The following CELA2A variants were observed in gnomAD, a reference collection of about 807,000 sequenced individuals.
The protein encoded by CELA2A is chymotrypsin-like elastase family member 2A.
A neutral mutation model predicts 35.3 loss-of-function variants in CELA2A; 31 were observed. The ratio of observed to expected loss-of-function variants is 0.88; its 90% CI spans 0.66 to 1.19. The LOEUF is 1.19. CELA2A is among the 50% of genes most tolerant of loss of function. The probability of loss-of-function intolerance (pLI) is 0.00; values close to 1 mark genes in which losing one functional copy is unlikely to be tolerated. For synonymous variants in CELA2A, 150 were observed against 149.8 expected (o/e 1.00, Z -0.01); for missense variants, 330 against 352.9 (o/e 0.94, Z 0.52).
At chr1:15,457,609 C>T (rs1241729707) in intron 2 of CELA2A, 1 of 129,672 alleles carries the variant, frequency 7.7e-6, no homozygotes, top group South Asian at 2.4e-4. Context: ...GACTCTGTCT[C>T]AAAAAAAAAA....
intron 7 of CELA2A, among the ~76,000 whole-genome samples, 172 bp downstream of exon 7, chr1:15,467,710 C>A (rs1466601295): frequency 1.3e-5 from 2 of 152,122 alleles, no homozygotes; most frequent in South Asian, 4.1e-4. Flanking sequence ...ATGGGTCCCC[C>A]AAATTTCTGT....
intron 5 of CELA2A, among the ~76,000 whole-genome samples, chr1:15,464,523 A>T (rs1264750214): frequency 6.6e-6 from 1 of 152,196 alleles, no homozygotes; most frequent in East Asian, 1.9e-4. Context: ...TGTTAATCAC[A>T]TTATGACATT....
At chr1:15,466,434 C>T (rs1386556179) in intron 6 of CELA2A, among the ~76,000 whole-genome samples, 12 of 151,894 alleles carry the variant, frequency 7.9e-5, no homozygotes, top group East Asian at 5.8e-4. Flanking sequence ...TGGTGGCAGG[C>T]GCCTGTACTC....
intron 3 of CELA2A, chr1:15,461,954 G>A (rs549387423): frequency 6.6e-6 from 4 of 606,002 alleles, no homozygotes; most frequent in Non-Finnish European, 1.2e-5. Context: ...CTGGAATTGG[G>A]TTCCCTTGAA....
At chr1:15,457,834 A>G (rs1431529172) in intron 2 of CELA2A, among the ~76,000 whole-genome samples, 3 of 152,188 alleles carry the variant, frequency 2.0e-5, no homozygotes, top group Non-Finnish European at 4.4e-5. Context: ...TAAGGAACCA[A>G]TCAGTGCTAT....
intron 7 of CELA2A, among the ~76,000 whole-genome samples, chr1:15,471,284 C>A (rs566428600): frequency 6.6e-6 from 1 of 152,146 alleles, no homozygotes; most frequent in Non-Finnish European, 1.5e-5. Context: ...CGGTGGCTCA[C>A]GCCTGTAATC....
At chr1:15,463,079 G>A in intron 4 of CELA2A, 3 of 787,886 alleles carry the variant, frequency 3.8e-6, no homozygotes, top group Non-Finnish European at 5.9e-6. Flanking sequence ...AGCGACCTGG[G>A]TTTGCTGCCA....
chr1:15,465,931 C>G (rs2901964), intron 5 of CELA2A, 68 bp from the exon 6 acceptor site: 339,286 of 1,569,754 alleles, frequency 0.22, 45,287 homozygotes, highest in African/African-American at 0.65. Flanking sequence ...AAACCTAAGA[C>G]GGGTCCATCA....
intron 7 of CELA2A, among the ~76,000 whole-genome samples, chr1:15,468,126 A>T (rs1266218199): frequency 1.3e-5 from 2 of 150,342 alleles, no homozygotes; most frequent in Non-Finnish European, 3.0e-5. Context: ...AGTGAGTGCC[A>T]TAGAAATGGT....
At chr1:15,469,487 C>T (rs1235281937) in intron 7 of CELA2A, among the ~76,000 whole-genome samples, 2 of 152,116 alleles carry the variant, frequency 1.3e-5, no homozygotes, top group Admixed American at 1.3e-4. Context: ...CTTATAAAAC[C>T]AAATATGAAA....
intron 7 of CELA2A, 37 bp from the exon 8 acceptor site, chr1:15,471,953 T>G (rs1310229652): frequency 6.2e-7 from 1 of 1,613,996 alleles, no homozygotes; most frequent in East Asian, 2.2e-5. Context: ...AGCTCTGCGG[T>G]TAGGTGAACC....
intron 7 of CELA2A, 42 bp downstream of exon 7, chr1:15,467,580 C>T (rs2103305506): frequency 1.2e-6 from 2 of 1,601,906 alleles, no homozygotes; most frequent in Non-Finnish European, 1.7e-6. Flanking sequence ...CACTACCCTG[C>T]TCACCTGGCC....
Position 15,462,764 on chromosome 1 carries a change from C to A in CELA2A, c.259C>A (p.Arg87=). ...SSRTYRVGLG[R]HNLYVAESGS... is the part of the protein sequence containing the mutation. The stretch of plus-strand genomic sequence containing the variant: ...CAGGACCTACCGCGTGGGGCTGGGC[C>A]GGCACAACCTCTACGTTGCGGAGTC... The change falls in exon 4 of 8, where the codon CGG becomes AGG. Residue 87 remains arginine, a synonymous_variant. Transcript: ENST00000359621. 1.2e-6 allele frequency: 2 copies of A among 1,614,070 alleles called. No individual in the cohort carries two copies. Among genetic ancestry groups the A allele is most frequent in the Non-Finnish European group, 1.7e-6 (2 of 1,180,000 alleles).
chr1:15,469,999 A>G lies in CELA2A; in HGVS notation c.793-1991A>G, dbSNP rs534847524. Reference sequence around the variant, plus strand: ...CAGCCACAGACACAAGCACAACAGAACAGGCCAGATCCCGAAGCATGGCCA... The same window carrying G: ...CAGCCACAGACACAAGCACAACAGAGCAGGCCAGATCCCGAAGCATGGCCA... On this transcript the variant is annotated intron_variant, in intron 7 of 7. Coordinates refer to ENST00000359621, the MANE Select transcript of CELA2A (RefSeq NM_033440.3). Among the ~76,000 whole-genome samples, 57 of 152,286 alleles carry G rather than the reference A, an allele frequency of 3.7e-4. 1 individual carries two copies. The highest frequency in any genetic ancestry group is 1.3e-3 in the African/African-American group (56 of 41,566).
intron 5 of CELA2A, among the ~76,000 whole-genome samples, chr1:15,464,541 A>C (rs1708488942): frequency 1.3e-5 from 2 of 152,134 alleles, no homozygotes; most frequent in South Asian, 4.1e-4. Context: ...ATTTTTTCCT[A>C]ATGACATAAA....
intron 5 of CELA2A, among the ~76,000 whole-genome samples, chr1:15,464,690 AT>A (rs1159300145): frequency 6.6e-6 from 1 of 152,162 alleles, no homozygotes; most frequent in Non-Finnish European, 1.5e-5. Context: ...TGGAAGAGGC[AT>A]TTCATGCTTA....
chr1:15,468,091 T>TAAA (rs35520894), intron 7 of CELA2A, among the ~76,000 whole-genome samples: 6 of 86,426 alleles, frequency 6.9e-5, no homozygotes, highest in Admixed American at 1.3e-4. Flanking sequence ...AAACTCCATC[T>TAAA]AAAAAAAAAA....
Position 15,466,035 on chromosome 1 carries a change from G to A in CELA2A, c.530G>A (p.Arg177Gln), listed in dbSNP as rs778462885. Residue 177 changes from arginine (R) to glutamine (Q), a missense_variant, in exon 6 of 8, where the codon CGG (arginine) becomes CAG (glutamine). Transcript: ENST00000359621. ...GAVPDVLQQGRLLVVDYATCS... is the reference protein window; with the variant it reads ...GAVPDVLQQGQLLVVDYATCS... ...GTTCCTGATGTCCTGCAGCAGGGCC[G>A]GTTGCTGGTTGTGGACTATGCCACC... 42 of 1,614,014 alleles carry A rather than the reference G, an allele frequency of 2.6e-5. No homozygotes were observed. The Middle Eastern group carries it at 4.9e-4, about 19-fold the overall frequency.
At chr1:15,471,861 A>C in intron 7 of CELA2A, 129 bp from the exon 8 acceptor site, 1 of 1,062,822 alleles carries the variant, frequency 9.4e-7, no homozygotes, top group Non-Finnish European at 1.5e-6. Flanking sequence ...CTCCTCAGGC[A>C]GGAGCTACTG....
Sources: gnomAD v4.1 joint callset for allele counts (sites outside exome capture counted in the v4.1 genomes callset) on GRCh38, gnomAD v4.1.1 for gene constraint, MANE v1.5 for transcripts, NCBI Gene and HGNC (gene_info 2026-07-23, HGNC 2026-07-21) for gene names.